The following ROBO2 variants were observed in gnomAD, a reference collection of about 807,000 sequenced individuals.
ROBO2 encodes roundabout guidance receptor 2.
Under a neutral mutation model 160.8 loss-of-function variants are expected in ROBO2, and 53 were observed. That is an observed-to-expected ratio of 0.33 (90% CI 0.26 to 0.41). The LOEUF (loss-of-function observed/expected upper bound fraction) is 0.41. Ranked by LOEUF, ROBO2 falls within the 10% of genes least tolerant of loss-of-function variation. ROBO2 has a pLI of 1.00. For missense variants in ROBO2, 1,577 were observed against 1,722.4 expected (o/e 0.92, Z 1.49); for synonymous variants, 664 against 611.7 (o/e 1.09, Z -1.26).
At chr3:76,920,556 C>T (rs1456885303) in intron 2 of ROBO2, among the ~76,000 whole-genome samples, 1 of 152,154 alleles carries the variant, frequency 6.6e-6, no homozygotes, top group African/African-American at 2.4e-5. Flanking sequence ...CAGTAAACTA[C>T]AATTTGGTGC....
intron 2 of ROBO2, among the ~76,000 whole-genome samples, chr3:76,216,707 A>G (rs1054079011): frequency 6.6e-6 from 1 of 152,146 alleles, no homozygotes; most frequent in Non-Finnish European, 1.5e-5. Flanking sequence ...ACACAATAAT[A>G]ATGGGAGACT....
chr3:76,755,060 A>G (rs1300850872), intron 2 of ROBO2, among the ~76,000 whole-genome samples: 1 of 151,898 alleles, frequency 6.6e-6, no homozygotes, highest in Admixed American at 6.6e-5. Context: ...AGGTAATTAA[A>G]TAAATTCTGT....
In ROBO2 at chr3:76,653,593, A is replaced by G. The variant is rs116499367; in HGVS notation, c.110-444421A>G. On this transcript the variant is annotated intron_variant, in intron 2 of 26. Transcript: ENST00000487694. ...ACTATCCTGCTTTTTTTTAAATTATACACACAGAGTTCATCAGTGAAACTG... is the reference window on the plus strand; with the variant it reads ...ACTATCCTGCTTTTTTTTAAATTATGCACACAGAGTTCATCAGTGAAACTG... Among the ~76,000 whole-genome samples the G allele has an allele frequency of 2.8e-3, 422 of 152,126 alleles. 5 individuals carry two copies. The highest frequency in any genetic ancestry group is 9.8e-3 in the African/African-American group (409 of 41,524).
At chr3:76,023,016 A>G (rs1262308655) in intron 2 of ROBO2, among the ~76,000 whole-genome samples, 1 of 151,798 alleles carries the variant, frequency 6.6e-6, no homozygotes, top group East Asian at 1.9e-4. Context: ...ATCAGCACAC[A>G]CTAGTTCACC....
At chr3:77,272,320 C>T (rs1173187088) in intron 2 of ROBO2, among the ~76,000 whole-genome samples, 3 of 151,916 alleles carry the variant, frequency 2.0e-5, no homozygotes, top group African/African-American at 7.2e-5. Flanking sequence ...GTAGAGGCAG[C>T]ATGGCTGAGG....
At chr3:76,370,960 T>C (rs2076070131) in intron 2 of ROBO2, among the ~76,000 whole-genome samples, 1 of 151,838 alleles carries the variant, frequency 6.6e-6, no homozygotes, top group South Asian at 2.1e-4. Flanking sequence ...AGCATCCCCA[T>C]GATAACCTAT....
chr3:76,528,421 A>T lies in ROBO2; in HGVS notation c.110-569593A>T, dbSNP rs369746187. Among the ~76,000 whole-genome samples the T allele has an allele frequency of 2.6e-5, 4 of 152,152 alleles. No individual in the cohort carries two copies. The East Asian group carries it at 7.8e-4, about 29-fold the overall frequency. On this transcript the variant is annotated intron_variant, in intron 2 of 26. Coordinates refer to the ROBO2 transcript ENST00000487694. ...AGTGGTTAGATAATGAATATTTTGAATATATATAATAGACCCTCCTGACGA... is the reference window on the plus strand; with the variant it reads ...AGTGGTTAGATAATGAATATTTTGATTATATATAATAGACCCTCCTGACGA...
At chr3:77,277,210 TTCTTCTTTCTTTCTTTCTTG>T in intron 2 of ROBO2, among the ~76,000 whole-genome samples, 5 of 118,048 alleles carry the variant, frequency 4.2e-5, no homozygotes, top group African/African-American at 1.5e-4. Context: ...CTTTCTTTCT[TTCTTCTTTCTTTCTTTCTTG>T]TCTTTCTTTC....
At chr3:77,615,062 G>T (rs568860204) in intron 21 of ROBO2, among the ~76,000 whole-genome samples, 4 of 152,024 alleles carry the variant, frequency 2.6e-5, no homozygotes, top group Admixed American at 2.0e-4. Context: ...CTACTTTTAT[G>T]GCATCTTGCA....
chr3:76,267,722 G>T (rs533611224), intron 2 of ROBO2, among the ~76,000 whole-genome samples: 5 of 151,950 alleles, frequency 3.3e-5, no homozygotes, highest in Middle Eastern at 3.4e-3. Flanking sequence ...GATAAATATG[G>T]GATTACAATA....
At chr3:76,678,535 ATGAT>A (rs2106860101) in intron 2 of ROBO2, among the ~76,000 whole-genome samples, 1 of 152,306 alleles carries the variant, frequency 6.6e-6, no homozygotes, top group Non-Finnish European at 1.5e-5. Context: ...CAGGCTCTTA[ATGAT>A]CACAGAGATA....
intron 2 of ROBO2, among the ~76,000 whole-genome samples, chr3:76,166,623 C>G (rs2072849976): frequency 6.6e-6 from 1 of 152,008 alleles, no homozygotes; most frequent in Non-Finnish European, 1.5e-5. Context: ...TAGCCCCGTT[C>G]AGCTATAATT....
chr3:76,670,264 A>G (rs1240052532), intron 2 of ROBO2, among the ~76,000 whole-genome samples: 2 of 150,036 alleles, frequency 1.3e-5, no homozygotes, highest in African/African-American at 4.9e-5. Context: ...CATTTTATGA[A>G]TTTCCCTGGT....
chr3:76,739,799 T>C (rs1395537859), intron 2 of ROBO2, among the ~76,000 whole-genome samples: 1 of 152,214 alleles, frequency 6.6e-6, no homozygotes, highest in Non-Finnish European at 1.5e-5. Flanking sequence ...AAATTCCTTA[T>C]GAAGCCCTCT....
chr3:77,103,674 T>G lies in ROBO2; in HGVS notation c.388+5334T>G, dbSNP rs545096089. Among the ~76,000 whole-genome samples, 171 of 152,180 alleles carry G rather than the reference T, an allele frequency of 1.1e-3. 1 individual carries two copies. Among genetic ancestry groups the G allele is most frequent in the Non-Finnish European group, 1.6e-3 (112 of 68,028 alleles). On this transcript the variant is annotated intron_variant, in intron 2 of 25. Transcript: ENST00000461745. Reference sequence around the variant, plus strand: ...AAGACTCATGCTGTATGAAAGTCATTTAGAGAAGAAGAAGGTCTTGCATTA... The same window carrying G: ...AAGACTCATGCTGTATGAAAGTCATGTAGAGAAGAAGAAGGTCTTGCATTA...
At chr3:77,175,135 A>G (rs935025940) in intron 2 of ROBO2, among the ~76,000 whole-genome samples, 34 of 152,036 alleles carry the variant, frequency 2.2e-4, no homozygotes, top group African/African-American at 8.0e-4. Context: ...AAACTGAGTC[A>G]AAGAAAGATT....
At chr3:76,328,883 AATATATATATATATATTTATGTTATTAT>A (rs2107994942) in intron 2 of ROBO2, among the ~76,000 whole-genome samples, 2 of 144,350 alleles carry the variant, frequency 1.4e-5, no homozygotes, top group African/African-American at 5.1e-5. Context: ...AACAAAAACA[AATATATATATATATATTTATGTTATTAT>A]ATATATATAT....
At chr3:76,237,362 A>G (rs1705008392) in intron 2 of ROBO2, among the ~76,000 whole-genome samples, 1 of 152,200 alleles carries the variant, frequency 6.6e-6, no homozygotes, top group Non-Finnish European at 1.5e-5. Flanking sequence ...TCTAAACATT[A>G]TGTTTAAAAT....
intron 2 of ROBO2, among the ~76,000 whole-genome samples, chr3:76,634,523 G>A (rs528267500): frequency 1.3e-5 from 2 of 151,692 alleles, no homozygotes; most frequent in Admixed American, 1.3e-4. Flanking sequence ...AGCCGAGATC[G>A]CGCCACTGCA....
Sources: allele counts gnomAD v4.1 joint callset (sites outside exome capture counted in the v4.1 genomes callset), GRCh38; gene constraint gnomAD v4.1.1; transcripts MANE v1.5; gene names NCBI Gene and HGNC (gene_info 2026-07-23, HGNC 2026-07-21).